Variants in SENP1 observed in about 807,000 individuals in gnomAD.
SENP1 encodes SUMO specific peptidase 1, also known as sentrin-specific protease 1.
A neutral mutation model predicts 93.0 loss-of-function variants in SENP1; 21 were observed. The ratio of observed to expected loss-of-function variants is 0.23; its 90% CI spans 0.16 to 0.33. SENP1 has a LOEUF of 0.33. SENP1 is among the 10% of genes least tolerant of loss of function. The pLI, the probability that SENP1 is intolerant of heterozygous loss-of-function variation, is 1.00. For synonymous variants in SENP1, 256 were observed against 259.6 expected, an observed-to-expected ratio of 0.99 and a Z score of 0.13; for missense variants, 591 against 758.7, an observed-to-expected ratio of 0.78 and a Z score of 2.60.
chr12:48,084,447 G>GTTTTTTTTTTTT (rs5798059), intron 5 of SENP1, among the ~76,000 whole-genome samples: 1 of 109,450 alleles, frequency 9.1e-6, no homozygotes, highest in Non-Finnish European at 1.8e-5. Flanking sequence ...CTAATTTTGA[G>GTTTTTTTTTTTT]TTTTTTTTTT....
At chr12:48,083,035 G>A (rs1276433052) in intron 6 of SENP1, among the ~76,000 whole-genome samples, 4 of 152,104 alleles carry the variant, frequency 2.6e-5, no homozygotes, top group Non-Finnish European at 4.4e-5. Context: ...CTCGCCAGTA[G>A]CTAGGAGTAC....
Position 48,048,072 on chromosome 12 carries a change from G to A in SENP1, c.1620C>T (p.Asp540=), listed in dbSNP as rs1224588541. The change falls in exon 15 of 18, where the codon GAC becomes GAT. Residue 540 remains aspartate, a synonymous_variant. Coordinates refer to ENST00000549518, the MANE Select transcript of SENP1 (RefSeq NM_001267594.2). ...AATAGGTAATATTCTTCTTTCTAAA[G>A]TCCACAACCTGAGAATAAGAAAAAA... ...LGVHWCLAVV[D]FRKKNITYYD... is the part of the protein sequence containing the mutation. 4 of 1,599,594 alleles carry A rather than the reference G, an allele frequency of 2.5e-6. No individual in the cohort carries two copies. The highest frequency in any genetic ancestry group is 3.4e-6 in the Non-Finnish European group (4 of 1,167,310).
intron 5 of SENP1, chr12:48,085,461 C>A: frequency 2.8e-6 from 2 of 709,058 alleles, no homozygotes; most frequent in Non-Finnish European, 4.6e-6. Flanking sequence ...TCAGCCCTTC[C>A]CTCATTCTCA....
intron 13 of SENP1, among the ~76,000 whole-genome samples, chr12:48,061,256 G>A (rs993482736): frequency 6.6e-6 from 1 of 152,108 alleles, no homozygotes; most frequent in Non-Finnish European, 1.5e-5. Flanking sequence ...ACCTATTTTG[G>A]AGAAAGTTTT....
At chr12:48,087,951 A>G (rs1255084115) in intron 5 of SENP1, among the ~76,000 whole-genome samples, 1 of 152,230 alleles carries the variant, frequency 6.6e-6, no homozygotes, top group Non-Finnish European at 1.5e-5. Flanking sequence ...TATCTGAGGG[A>G]AAAGTTTCTA....
chr12:48,058,680 G>A (rs1008948235), intron 13 of SENP1, among the ~76,000 whole-genome samples: 2 of 152,138 alleles, frequency 1.3e-5, no homozygotes, highest in African/African-American at 2.4e-5. Flanking sequence ...CCCACAGTAT[G>A]TTGTTTTAGT....
In SENP1 at chr12:48,096,521, T is replaced by A. The variant is rs1341925685; in HGVS notation, c.136-94A>T. 4 of 722,958 alleles carry A rather than the reference T, an allele frequency of 5.5e-6. No individual in the cohort carries two copies. The African/African-American group carries it at 7.1e-5, about 13-fold the overall frequency. 44.8% of individuals were successfully genotyped at this position (722,958 alleles called of 1,614,324 possible). On this transcript the variant is annotated intron_variant, in intron 3 of 17. Transcript: ENST00000549518. ...CCCAGGCTGGAGTACACCGGCACAA[T>A]CTCTGCTCACTGCAACCTCCGCCTC...
At chr12:48,087,100 A>T (rs1425895634) in intron 5 of SENP1, among the ~76,000 whole-genome samples, 1 of 152,186 alleles carries the variant, frequency 6.6e-6, no homozygotes, top group Admixed American at 6.6e-5. Flanking sequence ...TGTTCTAGTT[A>T]TAAGTGACAA....
At position 48,057,071 on chromosome 12, in the gene SENP1, TTAATA is replaced by T. The variant is rs1376956662; in HGVS notation, c.1407+6634_1407+6638del. Among the ~76,000 whole-genome samples, 2 of 59,768 alleles carry T rather than the reference TTAATA, an allele frequency of 3.3e-5. 1 individual carries two copies. The highest frequency in any genetic ancestry group is 4.9e-5 in the Non-Finnish European group (2 of 40,700). The allele number at this position is 59,768 out of a possible 152,430, so 39.2% of individuals were successfully genotyped here. A position where few individuals can be genotyped will look rare whatever the true frequency, so the allele number is the denominator to read the frequency against. On this transcript the variant is annotated intron_variant, in intron 13 of 17. Coordinates refer to ENST00000549518, the MANE Select transcript of SENP1 (RefSeq NM_001267594.2). Reference sequence around the variant, plus strand: ...TATATTACATATATAAATATATTATTTAATATATTATATATTACATATATAAATAT... The same window carrying T: ...TATATTACATATATAAATATATTATTTATTATATATTACATATATAAATAT...
At chr12:48,079,158 A>T (rs1043363966) in intron 6 of SENP1, among the ~76,000 whole-genome samples, 10 of 150,516 alleles carry the variant, frequency 6.6e-5, no homozygotes, top group Non-Finnish European at 4.4e-5. Flanking sequence ...TCATAAAATT[A>T]AAAAAAAAAT....
intron 6 of SENP1, among the ~76,000 whole-genome samples, chr12:48,082,122 C>T (rs746768838): frequency 6.6e-5 from 10 of 152,020 alleles, no homozygotes; most frequent in Non-Finnish European, 1.5e-4. Flanking sequence ...ATCTCCTGAC[C>T]TCGTGATCCG....
In SENP1 at chr12:48,098,045, G is replaced by A. The variant is rs201333480; in HGVS notation, c.84C>T (p.Leu28=). The change falls in exon 3 of 18, where the codon CTC becomes CTT. Residue 28 remains leucine (L), a synonymous_variant. Transcript: ENST00000549518. ...CCTCTGGAAAACCTGTTTGTGGCAG[G>A]AGGTGGGTTTTGAATACGGAGTTGT... The part of the protein sequence containing the change: ...VNHNSVFKTH[L]LPQTGFPEDQ... The A allele has an allele frequency of 6.2e-7, 1 of 1,613,778 alleles. No homozygotes were observed. The highest frequency in any genetic ancestry group is 2.2e-5 in the East Asian group (1 of 44,874).
chr12:48,105,599 G>C, intron 1 of SENP1: 2 of 463,012 alleles, frequency 4.3e-6, no homozygotes, highest in Non-Finnish European at 8.6e-6. Context: ...GGGTCTCAAG[G>C]AAGGCGGGAG....
intron 2 of SENP1, among the ~76,000 whole-genome samples, chr12:48,098,678 G>A (rs903335693): frequency 3.3e-5 from 5 of 151,244 alleles, no homozygotes; most frequent in Non-Finnish European, 5.9e-5. Flanking sequence ...AGCCAATGTG[G>A]CACGTGTCTG....
intron 13 of SENP1, among the ~76,000 whole-genome samples, chr12:48,053,939 C>T (rs895137187): frequency 5.3e-5 from 8 of 152,058 alleles, no homozygotes; most frequent in African/African-American, 1.7e-4. Flanking sequence ...AACCCATCCC[C>T]CAAAAAAGAG....
intron 2 of SENP1, among the ~76,000 whole-genome samples, chr12:48,100,033 G>C (rs1376532774): frequency 6.6e-6 from 1 of 152,056 alleles, no homozygotes; most frequent in Non-Finnish European, 1.5e-5. Context: ...GGAAACAAAT[G>C]AACAGGGAAG....
intron 1 of SENP1, among the ~76,000 whole-genome samples, chr12:48,104,311 TTAGCTTTATCCAGGAC>T (rs146586156): frequency 0.22 from 30,380 of 136,422 alleles, 4,043 homozygotes; most frequent in East Asian, 0.54. Context: ...AGACGCAATG[TTAGCTTTATCCAGGAC>T]CAAGATGTGG....
intron 3 of SENP1, among the ~76,000 whole-genome samples, chr12:48,097,006 C>T (rs557327464): frequency 7.2e-5 from 11 of 151,872 alleles, no homozygotes; most frequent in South Asian, 6.2e-4. Flanking sequence ...ATATATTATA[C>T]GTATTAATAC....
intron 4 of SENP1, among the ~76,000 whole-genome samples, chr12:48,094,738 T>A (rs1186647675): frequency 2.0e-5 from 3 of 152,068 alleles, no homozygotes. Context: ...AGAATTGGGT[T>A]ATGAGAAGGG....
Sources: gnomAD v4.1 joint callset for allele counts (sites outside exome capture counted in the v4.1 genomes callset) on GRCh38, gnomAD v4.1.1 for gene constraint, MANE v1.5 for transcripts, NCBI Gene and HGNC (gene_info 2026-07-23, HGNC 2026-07-21) for gene names.